DCC: variants seen among roughly 807,000 people sequenced by gnomAD.
DCC encodes the protein DCC netrin 1 receptor.
DCC carries 58 observed loss-of-function variants against 172.5 expected under a neutral mutation model. The observed-to-expected ratio is 0.34, with a 90% CI of 0.27 to 0.42. The LOEUF is 0.42. DCC is among the 10% of genes least tolerant of loss of function. DCC has a pLI of 1.00. For missense variants in DCC, 1,740 were observed against 1,791.0 expected (o/e 0.97, Z 0.51); for synonymous variants, 709 against 644.5 (o/e 1.10, Z -1.52).
chr18:52,360,298 T>C lies in DCC; in HGVS notation c.91+19420T>C, dbSNP rs542967055. Among the ~76,000 whole-genome samples the C allele has an allele frequency of 1.3e-4, 20 of 152,350 alleles. 1 individual carries two copies. In the South Asian group the frequency reaches 4.1e-3, roughly 32 times the overall value. On this transcript the variant is annotated intron_variant, in intron 1 of 28. Coordinates refer to ENST00000442544, the MANE Select transcript of DCC (RefSeq NM_005215.4). ...TAAGACAGCTTCATGCACTTTAATT[T>C]CCTCTGAAGAAGAAATCCACTGCCA...
chr18:53,300,418 G>C (rs1339160434), intron 12 of DCC, among the ~76,000 whole-genome samples: 1 of 152,046 alleles, frequency 6.6e-6, no homozygotes, highest in Non-Finnish European at 1.5e-5. Context: ...TTGTATTTCT[G>C]TGCTTTTGGT....
At chr18:52,648,615 T>C (rs1369344908) in intron 1 of DCC, among the ~76,000 whole-genome samples, 6 of 151,742 alleles carry the variant, frequency 4.0e-5, no homozygotes, top group Non-Finnish European at 7.3e-5. Flanking sequence ...GCCAAAATCT[T>C]TTCATCACAA....
At chr18:52,600,146 A>C (rs1213450947) in intron 1 of DCC, among the ~76,000 whole-genome samples, 1 of 152,222 alleles carries the variant, frequency 6.6e-6, no homozygotes, top group Non-Finnish European at 1.5e-5. Flanking sequence ...TGTTCTTCAC[A>C]TTGAGGCTCT....
intron 27 of DCC, among the ~76,000 whole-genome samples, chr18:53,500,441 C>T (rs919435408): frequency 8.5e-5 from 13 of 152,064 alleles, no homozygotes; most frequent in African/African-American, 2.4e-4. Flanking sequence ...GGCTAATCTA[C>T]ATTATGCTCA....
At chr18:52,870,486 G>T (rs2039301665) in intron 2 of DCC, among the ~76,000 whole-genome samples, 1 of 152,186 alleles carries the variant, frequency 6.6e-6, no homozygotes, top group South Asian at 2.1e-4. Flanking sequence ...AGGCCACTAA[G>T]TTAGAAGGGT....
At chr18:53,120,847 G>T (rs147088079) in intron 7 of DCC, among the ~76,000 whole-genome samples, 265 of 151,946 alleles carry the variant, frequency 1.7e-3, no homozygotes, top group African/African-American at 6.0e-3. Flanking sequence ...AATGTTAAAA[G>T]AAAATCATAT....
At chr18:52,476,367 G>A (rs1322253306) in intron 1 of DCC, among the ~76,000 whole-genome samples, 1 of 152,166 alleles carries the variant, frequency 6.6e-6, no homozygotes, top group African/African-American at 2.4e-5. Context: ...GTGTGTGTTT[G>A]TGTGTGCATT....
chr18:52,510,438 G>A (rs982454909), intron 1 of DCC, among the ~76,000 whole-genome samples: 20 of 152,142 alleles, frequency 1.3e-4, no homozygotes, highest in African/African-American at 4.6e-4. Flanking sequence ...GACACTGCTT[G>A]CCTTGCCTAA....
Position 53,169,012 on chromosome 18 carries a change from C to T in DCC, c.1419-9950C>T, listed in dbSNP as rs147496350. On this transcript the variant is annotated intron_variant, in intron 8 of 28. Coordinates refer to ENST00000442544, the MANE Select transcript of DCC (RefSeq NM_005215.4). ...ACTAATGGCAAAATGCTAGAAAAAG[C>T]TATTATTATAATGCAATACATTTAA... 1.6e-3 allele frequency among the ~76,000 whole-genome samples: 251 copies of T among 152,250 alleles called. 1 individual carries two copies. Among genetic ancestry groups the T allele is most frequent in the Admixed American group, 3.3e-3 (51 of 15,284 alleles).
chr18:52,672,092 C>A (rs373981892), intron 1 of DCC, among the ~76,000 whole-genome samples: 2 of 152,154 alleles, frequency 1.3e-5, no homozygotes, highest in South Asian at 4.2e-4. Flanking sequence ...CTAATATTAA[C>A]CTCTATGTAC....
chr18:52,684,064 G>T (rs969322148), intron 1 of DCC, among the ~76,000 whole-genome samples: 2 of 151,976 alleles, frequency 1.3e-5, no homozygotes, highest in Non-Finnish European at 2.9e-5. Flanking sequence ...TTTCCATGAC[G>T]CTTAAAAACG....
At position 53,427,833 on chromosome 18, in the gene DCC, T is replaced by C. The variant is rs545493300; in HGVS notation, c.3164-7311T>C. 3.0e-5 allele frequency among the ~76,000 whole-genome samples: 3 copies of C among 100,464 alleles called. No individual in the cohort carries two copies. The South Asian group carries it at 8.0e-4, about 27-fold the overall frequency. 65.9% of individuals were successfully genotyped at this position (100,464 alleles called of 152,430 possible). On this transcript the variant is annotated intron_variant, in intron 21 of 28. Transcript: ENST00000442544. ...ATATATATAATATATTAATATATGA[T>C]ATATAATATATATATTTCTTTTTAT...
At chr18:53,514,629 C>G (rs2046310382) in intron 27 of DCC, among the ~76,000 whole-genome samples, 1 of 152,114 alleles carries the variant, frequency 6.6e-6, no homozygotes, top group Non-Finnish European at 1.5e-5. Context: ...CACCACTGAT[C>G]CCACAGAAAT....
intron 3 of DCC, among the ~76,000 whole-genome samples, chr18:52,913,704 A>C (rs1447588789): frequency 6.6e-6 from 1 of 152,040 alleles, no homozygotes; most frequent in African/African-American, 2.4e-5. Context: ...CATGAGGCCA[A>C]AATATGGTCA....
At chr18:53,126,712 A>T (rs1165894449) in intron 7 of DCC, among the ~76,000 whole-genome samples, 1 of 152,142 alleles carries the variant, frequency 6.6e-6, no homozygotes, top group Admixed American at 6.6e-5. Context: ...CTTTGTTGTC[A>T]TCATTTTCTT....
chr18:52,732,908 G>T (rs11873412), intron 1 of DCC, among the ~76,000 whole-genome samples: 5,626 of 152,176 alleles, frequency 0.037, 135 homozygotes, highest in Admixed American at 0.05. Flanking sequence ...CGTTCATGCT[G>T]TCCTGATGTG....
intron 1 of DCC, among the ~76,000 whole-genome samples, chr18:52,504,766 G>A (rs1221996): frequency 0.43 from 65,037 of 150,958 alleles, 14,422 homozygotes; most frequent in Non-Finnish European, 0.48. Flanking sequence ...CCTTTGTGCC[G>A]CCCCTCCCCC....
chr18:53,425,605 G>T (rs2145087658), intron 21 of DCC, among the ~76,000 whole-genome samples: 1 of 151,912 alleles, frequency 6.6e-6, no homozygotes, highest in South Asian at 2.1e-4. Context: ...CAGGTGACCT[G>T]CCCGCCTCGG....
chr18:52,571,087 C>G (rs2033281976), intron 1 of DCC, among the ~76,000 whole-genome samples: 1 of 152,082 alleles, frequency 6.6e-6, no homozygotes, highest in Non-Finnish European at 1.5e-5. Context: ...ACAAGGTGCA[C>G]AAAAACTTTT....
Sources: allele counts gnomAD v4.1 joint callset (sites outside exome capture counted in the v4.1 genomes callset), GRCh38; gene constraint gnomAD v4.1.1; transcripts MANE v1.5; gene names NCBI Gene and HGNC (gene_info 2026-07-23, HGNC 2026-07-21).